FERMT1: variants seen among roughly 807,000 people sequenced by gnomAD.
FERMT1 encodes the protein FERM domain containing kindlin 1.
In FERMT1, 60 loss-of-function variants were observed where a neutral mutation model predicts 85.3. The observed-to-expected ratio is 0.70, with a 90% CI of 0.57 to 0.87. FERMT1 has a LOEUF of 0.87. Among genes scored for constraint, FERMT1 ranks in the 40% least tolerant of loss-of-function variants. The pLI, the probability that FERMT1 is intolerant of heterozygous loss-of-function variation, is 0.00. For missense variants in FERMT1, 701 were observed against 818.9 expected (o/e 0.86, Z 1.76); for synonymous variants, 275 against 301.1 (o/e 0.91, Z 0.90).
chr20:6,106,682 G>C (rs1201818692), intron 6 of FERMT1, among the ~76,000 whole-genome samples: 1 of 152,192 alleles, frequency 6.6e-6, no homozygotes, highest in African/African-American at 2.4e-5. Flanking sequence ...TATTCTAATA[G>C]ACTTCAGGGG....
intron 14 of FERMT1, 21 bp downstream of exon 14, chr20:6,079,415 G>T: frequency 6.2e-7 from 1 of 1,613,560 alleles, no homozygotes; most frequent in South Asian, 1.1e-5. Flanking sequence ...CAACACTGAA[G>T]AGCAAAAACT....
intron 8 of FERMT1, among the ~76,000 whole-genome samples, chr20:6,096,164 CA>C (rs1271065873): frequency 6.6e-6 from 1 of 152,232 alleles, no homozygotes; most frequent in African/African-American, 2.4e-5. Context: ...AAAAAGGCCA[CA>C]ACTTTGGTCA....
At chr20:6,102,712 T>C (rs929863309) in intron 6 of FERMT1, among the ~76,000 whole-genome samples, 1 of 82,144 alleles carries the variant, frequency 1.2e-5, no homozygotes, top group Non-Finnish European at 2.6e-5. Flanking sequence ...GAAAAGAAAA[T>C]AGAAACCTCA....
intron 1 of FERMT1, among the ~76,000 whole-genome samples, chr20:6,121,881 C>T (rs1455496416): frequency 6.6e-6 from 1 of 152,248 alleles, no homozygotes; most frequent in African/African-American, 2.4e-5. Context: ...CTAAGCATTT[C>T]TATCAACACA....
chr20:6,113,412 C>A (rs1452769013), intron 3 of FERMT1, among the ~76,000 whole-genome samples: 4 of 152,156 alleles, frequency 2.6e-5, no homozygotes, highest in South Asian at 2.1e-4. Context: ...TTTAAACAAC[C>A]AACAAAGGTC....
At chr20:6,090,792 A>G (rs1470950754) in intron 9 of FERMT1, among the ~76,000 whole-genome samples, 1 of 152,184 alleles carries the variant, frequency 6.6e-6, no homozygotes, top group Non-Finnish European at 1.5e-5. Flanking sequence ...AGAATATTAC[A>G]TATAATTTAT....
At chr20:6,092,414 A>G (rs969974875) in intron 9 of FERMT1, among the ~76,000 whole-genome samples, 1 of 152,040 alleles carries the variant, frequency 6.6e-6, no homozygotes, top group Non-Finnish European at 1.5e-5. Flanking sequence ...ATGGTGGCAC[A>G]TGCCTGTAGT....
chr20:6,075,738 G>A lies in FERMT1; in HGVS notation c.*1435C>T, dbSNP rs1183343972. On this transcript the variant is annotated 3_prime_UTR_variant, in exon 15 of 15. Coordinates refer to ENST00000217289, the MANE Select transcript of FERMT1 (RefSeq NM_017671.5). ...TCGGAACTCTGGCCAGGCTCCCTGA[G>A]GGGTGCATCCTAGGAGAACTGAAAA... is the stretch of plus-strand genomic sequence containing the variant. 1.3e-5 allele frequency: 2 copies of A among 152,322 alleles called. No individual in the cohort carries two copies. The highest frequency in any genetic ancestry group is 4.8e-5 in the African/African-American group (2 of 41,444). 9.4% of individuals were successfully genotyped at this position (152,322 alleles called of 1,614,324 possible).
chr20:6,114,963 G>A (rs548689728), intron 3 of FERMT1, among the ~76,000 whole-genome samples: 50 of 152,080 alleles, frequency 3.3e-4, no homozygotes, highest in Non-Finnish European at 6.0e-4. Context: ...CAGGTGGCAG[G>A]GATTTTAGCT....
At chr20:6,111,343 C>T (rs1260282909) in intron 4 of FERMT1, among the ~76,000 whole-genome samples, 1 of 152,174 alleles carries the variant, frequency 6.6e-6, no homozygotes, top group African/African-American at 2.4e-5. Context: ...AGAAAGCCCT[C>T]AATCTTGGCC....
intron 6 of FERMT1, among the ~76,000 whole-genome samples, chr20:6,103,791 G>T (rs1982725639): frequency 8.1e-6 from 1 of 123,570 alleles, no homozygotes; most frequent in Admixed American, 8.5e-5. Context: ...TTTTTGGCCA[G>T]ATGTACAATT....
In FERMT1 at chr20:6,077,177, T is replaced by G. The variant is rs937989397; in HGVS notation, c.2030A>C (p.Asp677Ala). 2 of 1,613,718 alleles carry G rather than the reference T, an allele frequency of 1.2e-6. No homozygotes were observed. The highest frequency in any genetic ancestry group is 1.7e-6 in the Non-Finnish European group (2 of 1,180,042). ...AGCCGAGCACGCGTGCTTGTTTCAA[T>G]CCTGACCGCCGGTCAATTTGTGGAA... ...DLFHKLTGGQ[D>A] Residue 677 changes from aspartate to alanine, a missense_variant, in exon 15 of 15, where the codon GAT becomes GCT. Asp to Ala is a moderately radical substitution (Grantham distance 126). Coordinates refer to ENST00000217289, the MANE Select transcript of FERMT1 (RefSeq NM_017671.5).
At chr20:6,097,704 C>A (rs763150733) in intron 6 of FERMT1, 73 bp from the exon 7 acceptor site, 1 of 1,042,360 alleles carries the variant, frequency 9.6e-7, no homozygotes, top group Non-Finnish European at 1.5e-6. Flanking sequence ...TCTGAAACAA[C>A]TGAGGCCATT....
chr20:6,092,372 G>C (rs2123112014), intron 9 of FERMT1, among the ~76,000 whole-genome samples: 1 of 152,086 alleles, frequency 6.6e-6, no homozygotes, highest in Middle Eastern at 3.4e-3. Flanking sequence ...GTGAAACTCT[G>C]TCTCTACAAA....
intron 1 of FERMT1, 109 bp from the exon 2 acceptor site, chr20:6,119,681 C>T: frequency 1.1e-6 from 1 of 874,504 alleles, no homozygotes; most frequent in Non-Finnish European, 1.8e-6. Context: ...ATTGTAACCT[C>T]CTCTTCAAAA....
intron 3 of FERMT1, among the ~76,000 whole-genome samples, chr20:6,113,409 A>C (rs1353511099): frequency 6.6e-6 from 1 of 152,200 alleles, no homozygotes; most frequent in African/African-American, 2.4e-5. Flanking sequence ...TTTTTTAAAC[A>C]ACCAACAAAG....
chr20:6,110,204 C>G, intron 5 of FERMT1, 94 bp downstream of exon 5: 2 of 1,101,352 alleles, frequency 1.8e-6, no homozygotes, highest in Non-Finnish European at 2.7e-6. Flanking sequence ...AAGCACAATC[C>G]CTAGGCCTAC....
chr20:6,079,693 G>A, intron 13 of FERMT1, 116 bp from the exon 14 acceptor site: 1 of 1,024,486 alleles, frequency 9.8e-7, no homozygotes, highest in Admixed American at 2.2e-5. Context: ...TCAGAGGAAT[G>A]GACAATGAAG....
At chr20:6,082,618 A>G (rs1982029047) in intron 13 of FERMT1, among the ~76,000 whole-genome samples, 1 of 152,178 alleles carries the variant, frequency 6.6e-6, no homozygotes, top group African/African-American at 2.4e-5. Context: ...CTGATATTCA[A>G]TGAGATATTT....
Sources: allele counts gnomAD v4.1 joint callset (sites outside exome capture counted in the v4.1 genomes callset), GRCh38; gene constraint gnomAD v4.1.1; transcripts MANE v1.5; gene names NCBI Gene and HGNC (gene_info 2026-07-23, HGNC 2026-07-21).